Variants in PCDHGA10 observed in about 807,000 individuals in gnomAD.
The protein encoded by PCDHGA10 is protocadherin gamma-A10.
In PCDHGA10, 42 loss-of-function variants were observed where a neutral mutation model predicts 59.5. That is an observed-to-expected ratio of 0.71 (90% CI 0.55 to 0.91). PCDHGA10 has a LOEUF of 0.91. Ranked by LOEUF, PCDHGA10 falls within the 40% of genes least tolerant of loss-of-function variation. PCDHGA10 has a pLI of 0.00. For synonymous variants in PCDHGA10, 511 were observed against 517.2 expected (o/e 0.99, Z 0.16); for missense variants, 1,111 against 1,198.2 (o/e 0.93, Z 1.07).
intron 1 of PCDHGA10, chr5:141,416,339 A>T (rs2096016775): frequency 6.6e-6 from 1 of 152,218 alleles, no homozygotes; most frequent in African/African-American, 2.4e-5. Context: ...TCATTGCTCA[A>T]TAGGGATCCT....
chr5:141,490,380 T>A lies in PCDHGA10; in HGVS notation c.2437-4427T>A. On this transcript the variant is annotated intron_variant, in intron 1 of 3. Coordinates refer to ENST00000398610, the MANE Select transcript of PCDHGA10 (RefSeq NM_018913.3). The surrounding 1 kb of genome is among the most constrained non-coding windows in gnomAD (Gnocchi z 5.4). ...TTAATGTGCGAGACCGGGACTCAGG[T>A]AGAAATGGTGAAGTGAGCCTTGATA... 6.2e-7 allele frequency: 1 copy of A among 1,614,204 alleles called. No homozygotes were observed. The highest frequency in any genetic ancestry group is 1.7e-5 in the Admixed American group (1 of 60,026).
At position 141,486,791 on chromosome 5, in the gene PCDHGA10, C is replaced by T. The variant is rs766519569; in HGVS notation, c.2437-8016C>T. 1.8e-5 allele frequency: 29 copies of T among 1,614,108 alleles called. No homozygotes were observed. The highest frequency in any genetic ancestry group is 2.2e-5 in the Non-Finnish European group (26 of 1,180,054). On this transcript the variant is annotated intron_variant, in intron 1 of 3. Coordinates refer to ENST00000398610, the MANE Select transcript of PCDHGA10 (RefSeq NM_018913.3). The surrounding 1 kb of genome is among the most constrained non-coding windows in gnomAD (Gnocchi z 5.0). ...GCAGTTTGAGGTGCAGGCCCGGGAT[C>T]GGGGCAACCCACCCCTTAGCAGCAC...
Position 141,494,830 on chromosome 5 carries a change from G to C in PCDHGA10, c.2460G>C (p.Trp820Cys), listed in dbSNP as rs2099757104. Residue 820 changes from tryptophan (W) to cysteine (C), a missense_variant, in exon 2 of 4, where the codon TGG (tryptophan) becomes TGC (cysteine). Coordinates refer to ENST00000398610, the MANE Select transcript of PCDHGA10 (RefSeq NM_018913.3). ...AGCAAGCCCCGCCCAACACGGACTG[G>C]CGTTTCTCTCAGGCCCAGAGACCCG... The part of the protein sequence containing the change: ...LVPQAPPNTD[W>C]RFSQAQRPGT... 6.2e-7 allele frequency: 1 copy of C among 1,614,098 alleles called. No homozygotes were observed. The highest frequency in any genetic ancestry group is 2.2e-5 in the East Asian group (1 of 44,862).
chr5:141,426,898 C>G (rs1246109323), intron 1 of PCDHGA10: 3 of 456,634 alleles, frequency 6.6e-6, no homozygotes, highest in Admixed American at 4.7e-5. Context: ...CAACAGAGCT[C>G]TCATCTCCTG....
chr5:141,439,333 G>A (rs964224344), intron 1 of PCDHGA10, among the ~76,000 whole-genome samples: 1 of 152,154 alleles, frequency 6.6e-6, no homozygotes, highest in Non-Finnish European at 1.5e-5. Flanking sequence ...TGGAAAGAAA[G>A]ATTCTAAGCC....
intron 1 of PCDHGA10, chr5:141,423,110 G>C: frequency 6.2e-7 from 1 of 1,613,842 alleles, no homozygotes; most frequent in Non-Finnish European, 8.5e-7. Context: ...GGCGAGGTGC[G>C]TACAGCGCGG....
chr5:141,490,585 G>C lies in PCDHGA10; in HGVS notation c.2437-4222G>C. On this transcript the variant is annotated intron_variant, in intron 1 of 3. Transcript: ENST00000398610. The surrounding 1 kb of genome is among the most constrained non-coding windows in gnomAD (Gnocchi z 5.4). Reference sequence around the variant, plus strand: ...CAGGCTCAACATTTCAGATGTCAATGACAATGCACCCCGCTTCAACCAGCA... The same window carrying C: ...CAGGCTCAACATTTCAGATGTCAATCACAATGCACCCCGCTTCAACCAGCA... The C allele has an allele frequency of 6.2e-7, 1 of 1,614,142 alleles. No homozygotes were observed. Among genetic ancestry groups the C allele is most frequent in the South Asian group, 1.1e-5 (1 of 91,078 alleles).
chr5:141,420,277 A>C, intron 1 of PCDHGA10: 1 of 1,518,166 alleles, frequency 6.6e-7, no homozygotes, highest in Non-Finnish European at 8.9e-7. Flanking sequence ...TTAAACAGGT[A>C]AGTATTTAAA....
At chr5:141,507,443 G>A (rs2099860678) in intron 3 of PCDHGA10, among the ~76,000 whole-genome samples, 2 of 152,200 alleles carry the variant, frequency 1.3e-5, no homozygotes. Flanking sequence ...TACAGCTGAC[G>A]GAAGGACAGA....
rs545232987 is a variant in PCDHGA10 at position 141,484,750 on chromosome 5, G to GTA, written c.2437-10043_2437-10042dup. 2.3e-3 allele frequency among the ~76,000 whole-genome samples: 340 copies of GTA among 149,860 alleles called. 1 individual carries two copies. Among genetic ancestry groups the GTA allele is most frequent in the South Asian group, 1.0e-2 (47 of 4,704 alleles). On this transcript the variant is annotated intron_variant, in intron 1 of 3. Coordinates refer to ENST00000398610, the MANE Select transcript of PCDHGA10 (RefSeq NM_018913.3). ...CAGTCGGTGTGTTAGGAAAAAAAAT[G>GTA]TATATATATATATATGTTGTCTGCC...
intron 1 of PCDHGA10, among the ~76,000 whole-genome samples, chr5:141,445,945 C>G (rs1433543714): frequency 1.3e-5 from 2 of 152,254 alleles, no homozygotes; most frequent in Non-Finnish European, 2.9e-5. Flanking sequence ...TAAGCTTACT[C>G]TGGCTGCTAT....
chr5:141,445,093 A>G (rs987863232), intron 1 of PCDHGA10, among the ~76,000 whole-genome samples: 2 of 152,168 alleles, frequency 1.3e-5, no homozygotes, highest in Non-Finnish European at 2.9e-5. Flanking sequence ...TACATATTTG[A>G]TGTTTTCTAA....
Position 141,476,790 on chromosome 5 carries a change from C to T in PCDHGA10, c.2437-18017C>T. ...TTGGACGGAGGGACCCCAGCTCTCT[C>T]CGCCAGCCTGCCTATTCACATCAAG... On this transcript the variant is annotated intron_variant, in intron 1 of 3. Coordinates refer to ENST00000398610, the MANE Select transcript of PCDHGA10 (RefSeq NM_018913.3). This position sits in a 1 kb window ranked among gnomAD's most constrained non-coding sequence, Gnocchi z 7.6. 1 of 1,613,606 alleles carries T rather than the reference C, an allele frequency of 6.2e-7. No homozygotes were observed. Among genetic ancestry groups the T allele is most frequent in the South Asian group, 1.1e-5 (1 of 91,084 alleles).
chr5:141,504,728 G>A (rs978910481), intron 2 of PCDHGA10, among the ~76,000 whole-genome samples: 5 of 151,522 alleles, frequency 3.3e-5, no homozygotes, highest in African/African-American at 9.7e-5. Context: ...TACTCTGAGG[G>A]CTTAGGAAGC....
intron 3 of PCDHGA10, among the ~76,000 whole-genome samples, chr5:141,507,790 A>C (rs922507228): frequency 5.9e-5 from 9 of 152,188 alleles, no homozygotes; most frequent in Admixed American, 2.6e-4. Context: ...ACCCTCGTCT[A>C]AGCCTGCGCC....
rs1244735686 is a variant in PCDHGA10 at position 141,432,142 on chromosome 5, C to A, written c.2436+16531C>A. 1 of 1,614,098 alleles carries A rather than the reference C, an allele frequency of 6.2e-7. No homozygotes were observed. The highest frequency in any genetic ancestry group is 1.1e-5 in the South Asian group (1 of 91,066). On this transcript the variant is annotated intron_variant, in intron 1 of 3. Transcript: ENST00000398610. This position sits in a 1 kb window ranked among gnomAD's most constrained non-coding sequence, Gnocchi z 6.0. ...CTCAGGCCTCCTATTCCGCTTATAT[C>A]CCAGAGAACAATCCCAGAGGAGTTT...
intron 2 of PCDHGA10, among the ~76,000 whole-genome samples, chr5:141,499,149 A>G (rs1215155217): frequency 6.6e-6 from 1 of 152,084 alleles, no homozygotes; most frequent in African/African-American, 2.4e-5. Context: ...TCTGATCCCA[A>G]TAGCTGTTGT....
At chr5:141,480,982 C>T (rs1258067957) in intron 1 of PCDHGA10, among the ~76,000 whole-genome samples, 1 of 152,150 alleles carries the variant, frequency 6.6e-6, no homozygotes, top group African/African-American at 2.4e-5. Context: ...TCAGTGAACC[C>T]AGGATGTGGA....
intron 1 of PCDHGA10, among the ~76,000 whole-genome samples, chr5:141,449,673 G>A (rs7725811): frequency 0.049 from 7,346 of 150,528 alleles, 281 homozygotes; most frequent in African/African-American, 0.1. Flanking sequence ...AAGTGTGTAT[G>A]TATATATGTT....
Sources: allele counts gnomAD v4.1 joint callset (sites outside exome capture counted in the v4.1 genomes callset), GRCh38; gene constraint gnomAD v4.1.1; non-coding constraint Gnocchi (gnomAD v3.1); transcripts MANE v1.5; gene names NCBI Gene and HGNC (gene_info 2026-07-23, HGNC 2026-07-21).